SLC4A10: variants seen among roughly 807,000 people sequenced by gnomAD.
SLC4A10 encodes the protein sodium-driven chloride bicarbonate exchanger.
In SLC4A10, 42 loss-of-function variants were observed where a neutral mutation model predicts 137.7. The observed-to-expected ratio is 0.30, with a 90% confidence interval of 0.24 to 0.39. The LOEUF (loss-of-function observed/expected upper bound fraction) is 0.39. Among genes scored for constraint, SLC4A10 ranks in the 10% least tolerant of loss-of-function variants. The probability of loss-of-function intolerance (pLI) is 1.00; values close to 1 mark genes in which losing one functional copy is unlikely to be tolerated. For synonymous variants in SLC4A10, 474 were observed against 464.1 expected, an observed-to-expected ratio of 1.02 and a Z score of -0.27; for missense variants, 925 against 1,355.0, an observed-to-expected ratio of 0.68 and a Z score of 4.98.
At chr2:161,685,630 ACAAAC>A (rs1410793749) in intron 1 of SLC4A10, among the ~76,000 whole-genome samples, 8 of 143,658 alleles carry the variant, frequency 5.6e-5, no homozygotes, top group African/African-American at 2.1e-4. Context: ...AAACAAACAA[ACAAAC>A]AAAAAAAAAA....
intron 11 of SLC4A10, among the ~76,000 whole-genome samples, chr2:161,899,968 GGTAA>G (rs1384023590): frequency 6.6e-6 from 1 of 151,972 alleles, no homozygotes; most frequent in African/African-American, 2.4e-5. Flanking sequence ...AATGTCTCAT[GGTAA>G]GTGAGATCAG....
chr2:161,809,723 C>T (rs1282406879), intron 3 of SLC4A10, among the ~76,000 whole-genome samples: 1 of 151,954 alleles, frequency 6.6e-6, no homozygotes, highest in Non-Finnish European at 1.5e-5. Flanking sequence ...CTATTCTATT[C>T]CATTAGTGTG....
At chr2:161,772,542 C>A (rs181077307) in intron 2 of SLC4A10, among the ~76,000 whole-genome samples, 244 of 151,928 alleles carry the variant, frequency 1.6e-3, no homozygotes, top group African/African-American at 5.6e-3. Context: ...TTAAGAAATA[C>A]AGACAATGGT....
At chr2:161,706,251 G>C (rs1187738567) in intron 1 of SLC4A10, among the ~76,000 whole-genome samples, 1 of 151,530 alleles carries the variant, frequency 6.6e-6, no homozygotes, top group African/African-American at 2.4e-5. Context: ...AACATCCAGA[G>C]AATGATAAAA....
At chr2:161,813,834 T>A (rs1476089903) in intron 3 of SLC4A10, among the ~76,000 whole-genome samples, 2 of 152,134 alleles carry the variant, frequency 1.3e-5, no homozygotes, top group Non-Finnish European at 2.9e-5. Context: ...AGAACAGTGG[T>A]TCTCAATAAT....
chr2:161,848,591 C>A (rs1344029612), intron 4 of SLC4A10, among the ~76,000 whole-genome samples: 7 of 152,154 alleles, frequency 4.6e-5, no homozygotes, highest in African/African-American at 7.2e-5. Flanking sequence ...TTTCAATCTT[C>A]TGCATATGGC....
intron 1 of SLC4A10, among the ~76,000 whole-genome samples, chr2:161,704,076 A>G (rs2043397027): frequency 6.6e-6 from 1 of 151,714 alleles, no homozygotes; most frequent in African/African-American, 2.4e-5. Context: ...AGAAGTAGGT[A>G]TTCTGCAGTA....
At chr2:161,975,466 C>A (rs943134133) in intron 24 of SLC4A10, among the ~76,000 whole-genome samples, 3 of 152,136 alleles carry the variant, frequency 2.0e-5, no homozygotes, top group Non-Finnish European at 4.4e-5. Context: ...TTAAAAAAAT[C>A]TTTTGCTCAG....
intron 17 of SLC4A10, among the ~76,000 whole-genome samples, 178 bp from the exon 18 acceptor site, chr2:161,948,970 T>C (rs1355371446): frequency 2.0e-5 from 3 of 152,118 alleles, no homozygotes; most frequent in African/African-American, 7.2e-5. Context: ...ACGACAGTGA[T>C]ACATAAATAT....
At chr2:161,712,168 GAC>G (rs2044363574) in intron 1 of SLC4A10, among the ~76,000 whole-genome samples, 1 of 151,794 alleles carries the variant, frequency 6.6e-6, no homozygotes, top group African/African-American at 2.4e-5. Context: ...AACATTTACT[GAC>G]AATAAGAATT....
At chr2:161,794,782 T>C (rs1272857064) in intron 2 of SLC4A10, among the ~76,000 whole-genome samples, 1 of 152,096 alleles carries the variant, frequency 6.6e-6, no homozygotes, top group Non-Finnish European at 1.5e-5. Flanking sequence ...CCAATATCTG[T>C]GGTTAAATTC....
rs2061605452 is a variant in SLC4A10 at position 161,879,190 on chromosome 2, G to A, written c.1008G>A (p.Val336=). The change falls in exon 9 of 27, where the codon GTG becomes GTA. Residue 336 remains valine, a synonymous_variant. Coordinates refer to ENST00000446997, the MANE Select transcript of SLC4A10 (RefSeq NM_001178015.2). Reference sequence around the variant, plus strand: ...GTGCTGAAGCATCGAACATCTTAGTGGGAGAACTGGAGTTCTTGGATCGAA... The same window carrying A: ...GTGCTGAAGCATCGAACATCTTAGTAGGAGAACTGGAGTTCTTGGATCGAA... ...PPGAEASNIL[V]GELEFLDRTV... is the part of the protein sequence containing the mutation. The A allele has an allele frequency of 2.5e-6, 4 of 1,613,604 alleles. No individual in the cohort carries two copies. The highest frequency in any genetic ancestry group is 4.5e-5 in the East Asian group (2 of 44,862).
intron 21 of SLC4A10, among the ~76,000 whole-genome samples, chr2:161,961,690 G>A (rs1049398911): frequency 3.3e-5 from 5 of 152,014 alleles, no homozygotes; most frequent in African/African-American, 1.2e-4. Context: ...TTGATGATAG[G>A]TTTCAACAGA....
At chr2:161,922,674 A>G (rs192714560) in intron 15 of SLC4A10, among the ~76,000 whole-genome samples, 1 of 152,318 alleles carries the variant, frequency 6.6e-6, no homozygotes, top group Admixed American at 6.5e-5. Context: ...ATTTGTAGCA[A>G]TTATGGTAGA....
intron 1 of SLC4A10, among the ~76,000 whole-genome samples, chr2:161,676,263 C>G (rs1231062372): frequency 6.6e-6 from 1 of 152,126 alleles, no homozygotes; most frequent in Non-Finnish European, 1.5e-5. Flanking sequence ...TACAATATAG[C>G]ATGGGATCAG....
At chr2:161,764,144 C>T (rs796111106) in intron 1 of SLC4A10, among the ~76,000 whole-genome samples, 17 of 152,174 alleles carry the variant, frequency 1.1e-4, no homozygotes, top group East Asian at 3.9e-4. Flanking sequence ...TGAATTATGG[C>T]GCATCCATAC....
chr2:161,798,963 G>A (rs1013790415), intron 2 of SLC4A10, among the ~76,000 whole-genome samples: 1 of 150,290 alleles, frequency 6.7e-6, no homozygotes, highest in Non-Finnish European at 1.5e-5. Context: ...TTCTGAGCCT[G>A]AATTGTGGAA....
At chr2:161,662,163 CCTTA>C (rs2038507681) in intron 1 of SLC4A10, among the ~76,000 whole-genome samples, 1 of 152,026 alleles carries the variant, frequency 6.6e-6, no homozygotes, top group African/African-American at 2.4e-5. Flanking sequence ...TAGGCTCTTT[CCTTA>C]CTTCTGGTTA....
chr2:161,843,253 A>G (rs924264800), intron 4 of SLC4A10, among the ~76,000 whole-genome samples: 14 of 152,294 alleles, frequency 9.2e-5, no homozygotes, highest in Middle Eastern at 3.4e-3. Flanking sequence ...CGATACTAGA[A>G]TATAGCACTC....
Sources: allele counts gnomAD v4.1 joint callset (sites outside exome capture counted in the v4.1 genomes callset), GRCh38; gene constraint gnomAD v4.1.1; transcripts MANE v1.5; gene names NCBI Gene and HGNC (gene_info 2026-07-23, HGNC 2026-07-21).